The following MDGA2 variants were observed in gnomAD, a reference collection of about 807,000 sequenced individuals.
The protein encoded by MDGA2 is MAM domain containing glycosylphosphatidylinositol anchor 2.
MDGA2 carries 40 observed loss-of-function variants against 117.8 expected under a neutral mutation model. The ratio of observed to expected loss-of-function variants is 0.34; its 90% CI spans 0.26 to 0.44. The LOEUF (loss-of-function observed/expected upper bound fraction) is 0.44. Ranked by LOEUF, MDGA2 falls within the 20% of genes least tolerant of loss-of-function variation. The pLI is 1.00. For missense variants in MDGA2, 1,123 were observed against 1,250.6 expected, an observed-to-expected ratio of 0.90 and a Z score of 1.54; for synonymous variants, 452 against 439.0, an observed-to-expected ratio of 1.03 and a Z score of -0.37.
At chr14:47,481,376 A>T (rs969487015) in intron 1 of MDGA2, among the ~76,000 whole-genome samples, 1 of 152,014 alleles carries the variant, frequency 6.6e-6, no homozygotes, top group Admixed American at 6.5e-5. Context: ...TTTGCAAATG[A>T]TATGGTCTGC....
At chr14:47,380,977 C>A (rs1231075786) in intron 1 of MDGA2, among the ~76,000 whole-genome samples, 5 of 152,090 alleles carry the variant, frequency 3.3e-5, no homozygotes, top group Non-Finnish European at 5.9e-5. Context: ...TACTGGCAAA[C>A]CAAATCCAGC....
At chr14:47,428,955 C>T (rs1892744397) in intron 1 of MDGA2, among the ~76,000 whole-genome samples, 1 of 151,864 alleles carries the variant, frequency 6.6e-6, no homozygotes, top group Non-Finnish European at 1.5e-5. Context: ...ATGGGATCAT[C>T]CACAAGTTAT....
rs1897113007 is a variant in MDGA2 at position 47,624,866 on chromosome 14, T to C, written c.280+49651A>G. ...CAGGCACCCCATTAAACTCTGCAAA[T>C]GCAGGATAAGTGAATTTTGAATATA... On this transcript the variant is annotated intron_variant, in intron 1 of 16. Coordinates refer to ENST00000399232, the MANE Select transcript of MDGA2 (RefSeq NM_001113498.3). Among the ~76,000 whole-genome samples the C allele has an allele frequency of 2.0e-5, 3 of 152,310 alleles. No individual in the cohort carries two copies. In the South Asian group the frequency reaches 6.2e-4, roughly 32 times the overall value.
chr14:46,964,714 G>C (rs576969597), intron 8 of MDGA2, among the ~76,000 whole-genome samples: 1 of 152,280 alleles, frequency 6.6e-6, no homozygotes, highest in East Asian at 1.9e-4. Flanking sequence ...CTGAAGTGGA[G>C]ATTAATGATA....
chr14:46,841,894 G>C lies in MDGA2; in HGVS notation c.*37C>G, dbSNP rs1329542933. 2.9e-6 allele frequency: 4 copies of C among 1,364,200 alleles called. No individual in the cohort carries two copies. The highest frequency in any genetic ancestry group is 4.1e-6 in the Non-Finnish European group (4 of 967,702). The allele number at this position is 1,364,200 out of a possible 1,614,324, so 84.5% of individuals were successfully genotyped here. A position where few individuals can be genotyped will look rare whatever the true frequency, so the allele number is the denominator to read the frequency against. ...ACAAAGACTCTTTCTTCATGCCAGTGCCTGGTGAATCTTTTATAGCCTCTG... is the reference window on the plus strand; with the variant it reads ...ACAAAGACTCTTTCTTCATGCCAGTCCCTGGTGAATCTTTTATAGCCTCTG... On this transcript the variant is annotated 3_prime_UTR_variant, in exon 17 of 17. Coordinates refer to ENST00000399232, the MANE Select transcript of MDGA2 (RefSeq NM_001113498.3).
chr14:47,515,206 T>C (rs1412828259), intron 1 of MDGA2, among the ~76,000 whole-genome samples: 4 of 152,124 alleles, frequency 2.6e-5, no homozygotes, highest in African/African-American at 9.7e-5. Context: ...GAATTACGCC[T>C]GGATGAGGGG....
chr14:47,465,026 A>G (rs1407307652), intron 1 of MDGA2, among the ~76,000 whole-genome samples: 1 of 152,188 alleles, frequency 6.6e-6, no homozygotes, highest in Non-Finnish European at 1.5e-5. Context: ...GGAACAGAAT[A>G]GAGAGCCCAG....
intron 1 of MDGA2, among the ~76,000 whole-genome samples, chr14:47,441,095 G>A (rs1267483834): frequency 6.6e-6 from 1 of 152,110 alleles, no homozygotes; most frequent in Non-Finnish European, 1.5e-5. Flanking sequence ...AAGTCTATGG[G>A]AGCCAAAAGG....
chr14:47,443,138 G>C (rs1304423741), intron 1 of MDGA2, among the ~76,000 whole-genome samples: 1 of 152,126 alleles, frequency 6.6e-6, no homozygotes, highest in African/African-American at 2.4e-5. Flanking sequence ...ATTGTATGCT[G>C]AACTTGCTAA....
chr14:47,517,688 C>A (rs1412648113), intron 1 of MDGA2, among the ~76,000 whole-genome samples: 2 of 152,144 alleles, frequency 1.3e-5, no homozygotes, highest in East Asian at 3.9e-4. Flanking sequence ...CTTCAGTTAC[C>A]CACATATTTG....
At chr14:46,960,039 T>C (rs181521215) in intron 8 of MDGA2, among the ~76,000 whole-genome samples, 1 of 151,850 alleles carries the variant, frequency 6.6e-6, no homozygotes, top group African/African-American at 2.4e-5. Flanking sequence ...CTGGGCAACA[T>C]AGTGAAACCC....
At chr14:46,989,915 G>A (rs555014014) in intron 8 of MDGA2, among the ~76,000 whole-genome samples, 1 of 152,130 alleles carries the variant, frequency 6.6e-6, no homozygotes, top group East Asian at 1.9e-4. Context: ...TAGTATCCCA[G>A]CATTCAATTT....
chr14:47,029,416 G>C (rs578182283), intron 8 of MDGA2, among the ~76,000 whole-genome samples: 282 of 152,156 alleles, frequency 1.9e-3, no homozygotes, highest in African/African-American at 6.3e-3. Flanking sequence ...ATTAGATTTG[G>C]AATTAGGTAA....
intron 2 of MDGA2, among the ~76,000 whole-genome samples, chr14:47,272,260 C>T (rs1454416229): frequency 1.3e-5 from 2 of 152,098 alleles, no homozygotes; most frequent in Non-Finnish European, 2.9e-5. Context: ...CACACAACCC[C>T]ACGAGGGAGG....
At chr14:47,364,971 G>T (rs566518095) in intron 1 of MDGA2, among the ~76,000 whole-genome samples, 5 of 152,252 alleles carry the variant, frequency 3.3e-5, no homozygotes, top group Admixed American at 2.6e-4. Flanking sequence ...ATATAACATT[G>T]CCTTCATGAT....
chr14:47,247,960 C>A (rs1274139996), intron 2 of MDGA2, among the ~76,000 whole-genome samples: 3 of 151,414 alleles, frequency 2.0e-5, no homozygotes, highest in Non-Finnish European at 3.0e-5. Flanking sequence ...CATGTCCCTG[C>A]AAAGTACATG....
At chr14:47,604,487 A>ACCCCCCCCCCCCCCCC (rs60602833) in intron 1 of MDGA2, among the ~76,000 whole-genome samples, 41 of 92,046 alleles carry the variant, frequency 4.5e-4, no homozygotes, top group Non-Finnish European at 5.5e-4. Context: ...CAGCTTCCCC[A>ACCCCCCCCCCCCCCCC]CCCCCCCCCA....
intron 1 of MDGA2, chr14:47,342,884 G>A (rs972829186): frequency 3.6e-4 from 143 of 401,268 alleles, no homozygotes; most frequent in Non-Finnish European, 2.4e-5. Flanking sequence ...TTCCGTGTGG[G>A]GGAAAAAAGA....
At chr14:47,481,354 C>T (rs1013790785) in intron 1 of MDGA2, among the ~76,000 whole-genome samples, 1 of 151,848 alleles carries the variant, frequency 6.6e-6, no homozygotes, top group Non-Finnish European at 1.5e-5. Flanking sequence ...CACCGGTTTA[C>T]GGGAAATGAA....
Sources: allele counts gnomAD v4.1 joint callset (sites outside exome capture counted in the v4.1 genomes callset), GRCh38; gene constraint gnomAD v4.1.1; transcripts MANE v1.5; gene names NCBI Gene and HGNC (gene_info 2026-07-23, HGNC 2026-07-21).